ETFA: variants seen among roughly 807,000 people sequenced by gnomAD.
ETFA encodes the protein electron transfer flavoprotein subunit alpha, also known as electron transfer flavoprotein subunit alpha, mitochondrial.
In ETFA, 22 loss-of-function variants were observed where a neutral mutation model predicts 46.2. That is an observed-to-expected ratio of 0.48 (90% CI 0.34 to 0.68). The LOEUF (loss-of-function observed/expected upper bound fraction) is 0.68, where lower values mean the gene tolerates loss of function less well. Among genes scored for constraint, ETFA ranks in the 30% least tolerant of loss-of-function variants. The probability of loss-of-function intolerance (pLI) is 0.01; values close to 1 mark genes in which losing one functional copy is unlikely to be tolerated. For missense variants in ETFA, 345 were observed against 401.1 expected (o/e 0.86, Z 1.19); for synonymous variants, 131 against 139.9 (o/e 0.94, Z 0.45).
intron 11 of ETFA, among the ~76,000 whole-genome samples, chr15:76,224,328 C>T (rs2038984376): frequency 6.6e-6 from 1 of 152,142 alleles, no homozygotes; most frequent in South Asian, 2.1e-4. Context: ...ATACCAAATA[C>T]AGAGCTTCAG....
chr15:76,216,840 CTTTTTTTTT>C (rs373144812), intron 11 of ETFA, among the ~76,000 whole-genome samples: 1 of 89,278 alleles, frequency 1.1e-5, no homozygotes. Flanking sequence ...TGCCTTTTGC[CTTTTTTTTT>C]TTTTTTTTTT....
At chr15:76,279,630 T>A (rs1426892130) in intron 8 of ETFA, among the ~76,000 whole-genome samples, 1 of 152,064 alleles carries the variant, frequency 6.6e-6, no homozygotes, top group Non-Finnish European at 1.5e-5. Flanking sequence ...ATCACTCCAC[T>A]GAAACTGCTC....
At chr15:76,276,428 T>C (rs572223106) in intron 8 of ETFA, among the ~76,000 whole-genome samples, 1 of 152,188 alleles carries the variant, frequency 6.6e-6, no homozygotes, top group African/African-American at 2.4e-5. Flanking sequence ...GAAGTTCTTC[T>C]GGCATTTCTC....
At chr15:76,291,241 G>A (rs1333388524) in intron 4 of ETFA, among the ~76,000 whole-genome samples, 3 of 151,816 alleles carry the variant, frequency 2.0e-5, no homozygotes, top group East Asian at 3.9e-4. Context: ...TCAGGAGTTC[G>A]AGACCAGCCT....
In ETFA at chr15:76,231,414, T is replaced by C. The variant is rs1176510084; in HGVS notation, c.817-16A>G. On this transcript the variant is annotated splice_polypyrimidine_tract_variant and intron_variant, in intron 9 of 11. Transcript: ENST00000557943. ...TATAAAGTTCCTGAAATAAAAGAGGTCACATTATTAATATGTATTTATATT... is the reference window on the plus strand; with the variant it reads ...TATAAAGTTCCTGAAATAAAAGAGGCCACATTATTAATATGTATTTATATT... 1 of 1,523,526 alleles carries C rather than the reference T, an allele frequency of 6.6e-7. No individual in the cohort carries two copies. The highest frequency in any genetic ancestry group is 9.1e-7 in the Non-Finnish European group (1 of 1,098,764). 94.4% of individuals were successfully genotyped at this position (1,523,526 alleles called of 1,614,324 possible).
At position 76,216,378 on chromosome 15, in the gene ETFA, A is replaced by G; in HGVS notation, c.*181T>C. 1.7e-6 allele frequency: 1 copy of G among 577,584 alleles called. No homozygotes were observed. The highest frequency in any genetic ancestry group is 2.2e-5 in the South Asian group (1 of 45,144). The allele number at this position is 577,584 out of a possible 1,614,324, so 35.8% of individuals were successfully genotyped here. On this transcript the variant is annotated 3_prime_UTR_variant, in exon 12 of 12. Transcript: ENST00000557943. Reference sequence around the variant, plus strand: ...AAACAATAATTGTTTGGAACCACAAATAATTAAAAGGAAACACAGCAATCC... The same window carrying G: ...AAACAATAATTGTTTGGAACCACAAGTAATTAAAAGGAAACACAGCAATCC...
intron 2 of ETFA, among the ~76,000 whole-genome samples, chr15:76,295,105 T>C (rs1567219198): frequency 6.6e-6 from 1 of 151,926 alleles, no homozygotes; most frequent in East Asian, 1.9e-4. Flanking sequence ...ATTTCAACAA[T>C]AACAACAACA....
intron 9 of ETFA, chr15:76,260,148 A>G: frequency 7.1e-7 from 1 of 1,407,120 alleles, no homozygotes; most frequent in Non-Finnish European, 1.0e-6. Context: ...ATATCCAGCC[A>G]GGGTGAACTG....
At chr15:76,265,830 A>G (rs1303396066) in intron 9 of ETFA, among the ~76,000 whole-genome samples, 1 of 152,188 alleles carries the variant, frequency 6.6e-6, no homozygotes, top group Non-Finnish European at 1.5e-5. Context: ...GGAAAAAACA[A>G]AAATGGCCAA....
chr15:76,295,784 G>GT, intron 1 of ETFA, 47 bp from the exon 2 acceptor site: 2 of 1,453,776 alleles, frequency 1.4e-6, no homozygotes, highest in Non-Finnish European at 9.3e-7. Context: ...TGTTGTCACA[G>GT]GGTTTTTTTT....
intron 1 of ETFA, among the ~76,000 whole-genome samples, chr15:76,304,818 G>A (rs1009110672): frequency 6.6e-6 from 1 of 152,148 alleles, no homozygotes; most frequent in South Asian, 2.1e-4. Context: ...GCCGAGGCGG[G>A]CAGATCACAA....
At chr15:76,279,658 A>C (rs2039628823) in intron 8 of ETFA, among the ~76,000 whole-genome samples, 1 of 152,098 alleles carries the variant, frequency 6.6e-6, no homozygotes, top group Non-Finnish European at 1.5e-5. Context: ...AACGATGTCT[A>C]AGTGGTTAAA....
chr15:76,264,962 A>G (rs956705819), intron 9 of ETFA, among the ~76,000 whole-genome samples: 2 of 152,246 alleles, frequency 1.3e-5, no homozygotes, highest in African/African-American at 4.8e-5. Flanking sequence ...TTCTAAATTT[A>G]GCAAAGATGG....
intron 11 of ETFA, among the ~76,000 whole-genome samples, chr15:76,223,481 C>T (rs2038977357): frequency 6.6e-6 from 1 of 152,150 alleles, no homozygotes; most frequent in South Asian, 2.1e-4. Context: ...CCTCGGCCTC[C>T]CAAAGTGCTG....
chr15:76,229,133 A>C (rs2039037331), intron 10 of ETFA: 1 of 152,232 alleles, frequency 6.6e-6, no homozygotes, highest in African/African-American at 2.4e-5. Context: ...CTAAACCAGG[A>C]TTCTAATTAA....
chr15:76,258,081 T>C (rs2039364111), intron 9 of ETFA, among the ~76,000 whole-genome samples: 1 of 150,088 alleles, frequency 6.7e-6, no homozygotes, highest in African/African-American at 2.5e-5. Flanking sequence ...AATGACGAGT[T>C]AACGGGTGCA....
chr15:76,269,300 G>A (rs2039504648), intron 9 of ETFA, among the ~76,000 whole-genome samples: 1 of 152,194 alleles, frequency 6.6e-6, no homozygotes, highest in South Asian at 2.1e-4. Context: ...TAATATAAAA[G>A]AGTTTTGGAA....
chr15:76,243,322 T>G (rs994205154), intron 9 of ETFA, among the ~76,000 whole-genome samples: 30 of 151,858 alleles, frequency 2.0e-4, no homozygotes, highest in Admixed American at 1.7e-3. Flanking sequence ...GCAAATTTTA[T>G]ATTTTACCAC....
At chr15:76,280,079 T>TA (rs749832727) in intron 8 of ETFA, among the ~76,000 whole-genome samples, 16 of 151,772 alleles carry the variant, frequency 1.1e-4, no homozygotes, top group Non-Finnish European at 1.8e-4. Context: ...CCTCTTTTTT[T>TA]ATCTACACTC....
Sources: gnomAD v4.1 joint callset for allele counts (sites outside exome capture counted in the v4.1 genomes callset) on GRCh38, gnomAD v4.1.1 for gene constraint, MANE v1.5 for transcripts, NCBI Gene and HGNC (gene_info 2026-07-23, HGNC 2026-07-21) for gene names.